Variants in SAMD8 observed in about 807,000 individuals in gnomAD.
SAMD8 encodes sterile alpha motif domain containing 8, also known as sphingomyelin synthase-related protein 1.
In SAMD8, 20 loss-of-function variants were observed where a neutral mutation model predicts 42.0. The observed-to-expected ratio is 0.48, with a 90% CI of 0.34 to 0.69. The LOEUF is 0.69. Ranked by LOEUF, SAMD8 falls within the 30% of genes least tolerant of loss-of-function variation. The pLI, the probability that SAMD8 is intolerant of heterozygous loss-of-function variation, is 0.01. For synonymous variants in SAMD8, 162 were observed against 173.0 expected (o/e 0.94, Z 0.50); for missense variants, 328 against 511.6 (o/e 0.64, Z 3.46).
At chr10:75,123,456 A>C (rs1250577172) in intron 1 of SAMD8, among the ~76,000 whole-genome samples, 1 of 152,090 alleles carries the variant, frequency 6.6e-6, no homozygotes, top group Non-Finnish European at 1.5e-5. Context: ...CAATGATGAC[A>C]ATCCCAGCTC....
chr10:75,111,876 TG>T (rs1848777989), intron 1 of SAMD8, 154 bp downstream of exon 1: 1 of 943,182 alleles, frequency 1.1e-6, no homozygotes, highest in African/African-American at 1.7e-5. Flanking sequence ...TAGTCAGCTC[TG>T]GAATGGAATC....
rs1010348492 is a variant in SAMD8 at position 75,111,711 on chromosome 10, C to T, written c.-27C>T. ...GGAGGTGGGTCCGGGGAGCCCGACT[C>T]GGACCGCGGAGGTGAGCGGGAGCTG... On this transcript the variant is annotated 5_prime_UTR_variant, in exon 1 of 6. Coordinates refer to ENST00000542569, the MANE Select transcript of SAMD8 (RefSeq NM_001174156.2). 8.1e-7 allele frequency: 1 copy of T among 1,234,384 alleles called. No homozygotes were observed. The allele number at this position is 1,234,384 out of a possible 1,614,324, so 76.5% of individuals were successfully genotyped here.
chr10:75,136,930 A>G (rs1477621987), intron 1 of SAMD8, among the ~76,000 whole-genome samples: 1 of 152,214 alleles, frequency 6.6e-6, no homozygotes, highest in East Asian at 1.9e-4. Context: ...AATTACAAGT[A>G]TTAGCAGGAA....
intron 1 of SAMD8, among the ~76,000 whole-genome samples, chr10:75,117,185 A>G (rs1267439774): frequency 1.3e-5 from 2 of 150,796 alleles, no homozygotes; most frequent in African/African-American, 4.9e-5. Flanking sequence ...CACTTTGGGA[A>G]GCTGAGGTGG....
At chr10:75,173,881 GTTAC>G (rs1054451302) in intron 4 of SAMD8, among the ~76,000 whole-genome samples, 1 of 152,152 alleles carries the variant, frequency 6.6e-6, no homozygotes, top group Non-Finnish European at 1.5e-5. Flanking sequence ...TCCTGACTGT[GTTAC>G]TTACTAGCTA....
intron 1 of SAMD8, among the ~76,000 whole-genome samples, chr10:75,135,986 T>C (rs941904715): frequency 9.2e-5 from 14 of 152,066 alleles, no homozygotes; most frequent in African/African-American, 3.4e-4. Flanking sequence ...GATTACTCTA[T>C]CTTTCCTAAA....
At chr10:75,115,700 G>A (rs1394251225) in intron 1 of SAMD8, among the ~76,000 whole-genome samples, 3 of 152,070 alleles carry the variant, frequency 2.0e-5, no homozygotes, top group Non-Finnish European at 4.4e-5. Context: ...CAGCACTTTG[G>A]GAGGCCGAGG....
upstream of SAMD8, chr10:75,108,935 T>A: frequency 3.3e-6 from 5 of 1,523,882 alleles, no homozygotes; most frequent in African/African-American, 5.6e-5. Context: ...TCCACCCTCC[T>A]GTGTCTGGTA....
upstream of SAMD8, chr10:75,109,225 T>C (rs1848705965): frequency 2.1e-6 from 3 of 1,453,494 alleles, no homozygotes; most frequent in African/African-American, 1.4e-5. Context: ...CATTTCTCCT[T>C]CCCAGAGATT....
chr10:75,167,049 C>A (rs749502114), intron 3 of SAMD8, among the ~76,000 whole-genome samples: 4 of 152,130 alleles, frequency 2.6e-5, no homozygotes, highest in African/African-American at 7.2e-5. Context: ...GATGTATGGT[C>A]CCTGTCCTCA....
chr10:75,157,693 T>C (rs1840445886), intron 2 of SAMD8, among the ~76,000 whole-genome samples: 1 of 152,126 alleles, frequency 6.6e-6, no homozygotes, highest in Admixed American at 6.6e-5. Context: ...TCCTTGAGGT[T>C]AGTAGTCATA....
chr10:75,116,660 A>G (rs1257711997), intron 1 of SAMD8, among the ~76,000 whole-genome samples: 5 of 152,216 alleles, frequency 3.3e-5, no homozygotes, highest in African/African-American at 7.2e-5. Flanking sequence ...AGTTCCATCA[A>G]TATAATATTA....
Position 75,170,769 on chromosome 10 carries a change from GGT to G in SAMD8, c.792+2112_792+2113del, listed in dbSNP as rs1491552895. On this transcript the variant is annotated intron_variant, in intron 4 of 5. Transcript: ENST00000542569. ...TTACACACTCATATAAGTTTTTTTG[GGT>G]TTTTTTTTTTTTTTTTTTTTGAGGT... is the stretch of plus-strand genomic sequence containing the variant. 5.3e-5 allele frequency among the ~76,000 whole-genome samples: 7 copies of G among 131,066 alleles called. No individual in the cohort carries two copies. The East Asian group carries it at 1.8e-3, about 33-fold the overall frequency. The allele number at this position is 131,066 out of a possible 152,430, so 86.0% of individuals were successfully genotyped here.
chr10:75,104,100 G>C, intron 1 of SAMD8: 1 of 1,343,210 alleles, frequency 7.4e-7, no homozygotes, highest in African/African-American at 1.5e-5. Flanking sequence ...GACCAGCTCT[G>C]GAAGAGAGAT....
At chr10:75,135,165 A>G (rs964826098) in intron 1 of SAMD8, among the ~76,000 whole-genome samples, 1 of 151,844 alleles carries the variant, frequency 6.6e-6, no homozygotes, top group Non-Finnish European at 1.5e-5. Flanking sequence ...TTAACATATT[A>G]CACTGGGCCA....
upstream of SAMD8, chr10:75,109,168 GCCCA>G (rs540830571): frequency 3.1e-5 from 48 of 1,560,334 alleles, no homozygotes; most frequent in African/African-American, 6.4e-4. Flanking sequence ...GGGCCAGCCC[GCCCA>G]CCCCTCTGCC....
intron 2 of SAMD8, among the ~76,000 whole-genome samples, chr10:75,152,574 C>T (rs1426163843): frequency 6.6e-6 from 1 of 151,504 alleles, no homozygotes; most frequent in African/African-American, 2.4e-5. Context: ...AACAGTAGGC[C>T]AGGCATGGTG....
At chr10:75,157,436 A>T (rs1302135614) in intron 2 of SAMD8, among the ~76,000 whole-genome samples, 1 of 152,200 alleles carries the variant, frequency 6.6e-6, no homozygotes, top group East Asian at 1.9e-4. Context: ...GGCTGGCCTT[A>T]GGCCCTTGGG....
At chr10:75,101,837 ACC>A in intron 1 of SAMD8, 1 of 1,333,050 alleles carries the variant, frequency 7.5e-7, no homozygotes, top group Non-Finnish European at 1.0e-6. Context: ...ACCACATCCT[ACC>A]CCCCCCAAAT....
Sources: gnomAD v4.1 joint callset for allele counts (sites outside exome capture counted in the v4.1 genomes callset) on GRCh38, gnomAD v4.1.1 for gene constraint, MANE v1.5 for transcripts, NCBI Gene and HGNC (gene_info 2026-07-23, HGNC 2026-07-21) for gene names.